Variants in PLCXD1 observed in about 807,000 individuals in gnomAD.
The protein encoded by PLCXD1 is phosphatidylinositol specific phospholipase C X domain containing 1, also known as PI-PLC X domain-containing protein 1.
In PLCXD1, 45 loss-of-function variants were observed where a neutral mutation model predicts 37.8. That is an observed-to-expected ratio of 1.19 (90% CI 0.94 to 1.53). The LOEUF is 1.53. PLCXD1 is among the 40% of genes most tolerant of loss of function. PLCXD1 has a pLI of 0.00. For missense variants in PLCXD1, 539 were observed against 454.7 expected, an observed-to-expected ratio of 1.19 and a Z score of -1.69; for synonymous variants, 246 against 206.9, an observed-to-expected ratio of 1.19 and a Z score of -1.62.
At chrX:292,611 CTTAA>C (rs904332915) in intron 5 of PLCXD1, among the ~76,000 whole-genome samples, 4 of 146,690 alleles carry the variant, frequency 2.7e-5, no homozygotes, top group African/African-American at 7.6e-5. Flanking sequence ...CCTGGCCATA[CTTAA>C]TTTATTTATT....
chrX:278,478 C>A (rs1266658992), upstream of PLCXD1, among the ~76,000 whole-genome samples: 1 of 152,096 alleles, frequency 6.6e-6, no homozygotes, highest in African/African-American at 2.4e-5. Context: ...GTGGCTCACG[C>A]CTGTCATCCC....
Position 284,211 on chromosome X carries a change from C to G in PLCXD1, c.24C>G (p.Ser8=). 1 of 1,613,424 alleles carries G rather than the reference C, an allele frequency of 6.2e-7. No individual in the cohort carries two copies. The highest frequency in any genetic ancestry group is 8.5e-7 in the Non-Finnish European group (1 of 1,179,800). Residue 8 remains serine, a synonymous_variant, in exon 2 of 7, where the codon TCC becomes TCG. Coordinates refer to ENST00000381657, the MANE Select transcript of PLCXD1 (RefSeq NM_018390.4). ...TGATGGGTGGGCAGGTGAGCGCTTC[C>G]AACAGCTTCTCGAGGCTGCACTGCA... MGGQVSA[S]NSFSRLHCRN...
intron 6 of PLCXD1, among the ~76,000 whole-genome samples, chrX:293,683 T>C: frequency 6.6e-6 from 1 of 152,192 alleles, no homozygotes; most frequent in South Asian, 2.1e-4. Flanking sequence ...CGGTGGAATA[T>C]TACACAGCCA....
rs2052035958 is a variant in PLCXD1 at position 299,514 on chromosome X, C to G, written c.*179C>G. The G allele has an allele frequency of 1.6e-6, 1 of 619,360 alleles. No individual in the cohort carries two copies. Among genetic ancestry groups the G allele is most frequent in the Non-Finnish European group, 2.9e-6 (1 of 345,956 alleles). The allele number at this position is 619,360 out of a possible 1,614,324, so 38.4% of individuals were successfully genotyped here. A position where few individuals can be genotyped will look rare whatever the true frequency, so the allele number is the denominator to read the frequency against. On this transcript the variant is annotated 3_prime_UTR_variant, in exon 7 of 7. Transcript: ENST00000381657. ...GGTGACTTCGCCTGTCTTCCCAGCA[C>G]TTTGGGAGGCCGAGGTGGGTGGATC...
chrX:294,241 G>A (rs1164112805), intron 6 of PLCXD1, among the ~76,000 whole-genome samples: 12 of 152,208 alleles, frequency 7.9e-5, no homozygotes, highest in East Asian at 3.9e-4. Flanking sequence ...CCAGCACTTC[G>A]GGAGGCCGAG....
intron 3 of PLCXD1, among the ~76,000 whole-genome samples, chrX:289,567 GT>G (rs1431797104): frequency 3.3e-4 from 48 of 146,552 alleles, no homozygotes; most frequent in Non-Finnish European, 4.2e-4. Context: ...CTGGAGTGCA[GT>G]TGGTGCCATC....
chrX:285,226 A>T (rs2069409821), intron 2 of PLCXD1, among the ~76,000 whole-genome samples: 1 of 152,178 alleles, frequency 6.6e-6, no homozygotes, highest in African/African-American at 2.4e-5. Context: ...AGGCACATGT[A>T]TACATGGATG....
At position 302,571 on chromosome X, in the gene PLCXD1, G is replaced by T; in HGVS notation, c.*3236G>T. On this transcript the variant is annotated 3_prime_UTR_variant, in exon 7 of 7. Transcript: ENST00000381657. ...ACCGTGCCTGGTTAATTTTGTATTT[G>T]TATTTTTATTTATGTTTTGAGACGG... The T allele has an allele frequency of 6.6e-6, 1 of 151,748 alleles. No individual in the cohort carries two copies. Among genetic ancestry groups the T allele is most frequent in the East Asian group, 1.9e-4 (1 of 5,148 alleles). 9.4% of individuals were successfully genotyped at this position (151,748 alleles called of 1,614,324 possible).
intron 2 of PLCXD1, among the ~76,000 whole-genome samples, chrX:287,464 A>AATATATACTATATATGTTTATATATAGAT (rs2069486369): frequency 1.5e-5 from 2 of 129,258 alleles, no homozygotes; most frequent in East Asian, 4.0e-4. Flanking sequence ...TTATATATAG[A>AATATATACTATATATGTTTATATATAGAT]ATATATACTA....
Position 288,583 on chromosome X carries a change from T to A in PLCXD1, c.128-150T>A, listed in dbSNP as rs1602865358. Reference sequence around the variant, plus strand: ...TCCCAGGTTCCAGTGGACGTGAGTTTTGGGGGTCAGCGTGCACCCCTCCCG... The same window carrying A: ...TCCCAGGTTCCAGTGGACGTGAGTTATGGGGGTCAGCGTGCACCCCTCCCG... On this transcript the variant is annotated intron_variant, in intron 2 of 6. Transcript: ENST00000381657. The A allele has an allele frequency of 7.5e-6, 6 of 796,680 alleles. No homozygotes were observed. The South Asian group carries it at 9.1e-5, about 12-fold the overall frequency. 49.4% of individuals were successfully genotyped at this position (796,680 alleles called of 1,614,324 possible). A position where few individuals can be genotyped will look rare whatever the true frequency, so the allele number is the denominator to read the frequency against.
Position 290,194 on chromosome X carries a change from A to G in PLCXD1, c.265-454A>G, listed in dbSNP as rs371871223. On this transcript the variant is annotated intron_variant, in intron 3 of 6. Coordinates refer to ENST00000381657, the MANE Select transcript of PLCXD1 (RefSeq NM_018390.4). Reference sequence around the variant, plus strand: ...TGTAATCCCAGCACTTTGGGAGGCCAAGGTGGGTGGATCACGAGGTCAGGA... The same window carrying G: ...TGTAATCCCAGCACTTTGGGAGGCCGAGGTGGGTGGATCACGAGGTCAGGA... 2.1e-3 allele frequency among the ~76,000 whole-genome samples: 318 copies of G among 151,248 alleles called. 2 individuals are homozygous for G. Among genetic ancestry groups the G allele is most frequent in the African/African-American group, 6.6e-3 (268 of 40,794 alleles).
chrX:288,503 A>T (rs2069526606), intron 2 of PLCXD1, among the ~76,000 whole-genome samples: 1 of 152,008 alleles, frequency 6.6e-6, no homozygotes, highest in Non-Finnish European at 1.5e-5. Context: ...CTCCAGGATG[A>T]TCTCATTTCA....
chrX:279,137 G>C (rs1457860318), upstream of PLCXD1, among the ~76,000 whole-genome samples: 1 of 152,214 alleles, frequency 6.6e-6, no homozygotes. Context: ...CAGATCATAA[G>C]ACTCATTGTC....
At position 299,094 on chromosome X, in the gene PLCXD1, C is replaced by A; in HGVS notation, c.734-3C>A. Reference sequence around the variant, plus strand: ...TAACCTCTCCCCACCCTCACCGTTGCAGGAGGGTTGTTCGTGGCCGGCATC... The same window carrying A: ...TAACCTCTCCCCACCCTCACCGTTGAAGGAGGGTTGTTCGTGGCCGGCATC... On this transcript the variant is annotated splice_region_variant and splice_polypyrimidine_tract_variant and intron_variant, in intron 6 of 6. Coordinates refer to ENST00000381657, the MANE Select transcript of PLCXD1 (RefSeq NM_018390.4). 1 of 1,606,850 alleles carries A rather than the reference C, an allele frequency of 6.2e-7. No individual in the cohort carries two copies. Among genetic ancestry groups the A allele is most frequent in the Non-Finnish European group, 8.5e-7 (1 of 1,173,386 alleles).
intron 5 of PLCXD1, among the ~76,000 whole-genome samples, 194 bp downstream of exon 5, chrX:291,848 C>A (rs1051317152): frequency 1.3e-5 from 2 of 152,280 alleles, no homozygotes; most frequent in East Asian, 1.9e-4. Context: ...CTGGTGAGAT[C>A]TGCTTCCCTT....
At position 299,988 on chromosome X, in the gene PLCXD1, G is replaced by C. The variant is rs1234014433; in HGVS notation, c.*653G>C. 6.6e-6 allele frequency: 1 copy of C among 151,500 alleles called. No homozygotes were observed. The highest frequency in any genetic ancestry group is 1.5e-5 in the Non-Finnish European group (1 of 68,444). The allele number at this position is 151,500 out of a possible 1,614,324, so 9.4% of individuals were successfully genotyped here. A position where few individuals can be genotyped will look rare whatever the true frequency, so the allele number is the denominator to read the frequency against. On this transcript the variant is annotated 3_prime_UTR_variant, in exon 7 of 7. Coordinates refer to ENST00000381657, the MANE Select transcript of PLCXD1 (RefSeq NM_018390.4). ...GAATGGCGTGAACCCGGGAGGTGGA[G>C]GTTGCATTGAGCTGAGATCGTGCCA...
At chrX:278,505 A>AGTGAGCCGAGATCGCACCACTGCACTCC, upstream of PLCXD1, among the ~76,000 whole-genome samples, 1 of 151,994 alleles carries the variant, frequency 6.6e-6, no homozygotes, top group Non-Finnish European at 1.5e-5. Flanking sequence ...TTGGGAGGCC[A>AGTGAGCCGAGATCGCACCACTGCACTCC]AGGCGGGCAG....
chrX:283,536 G>GGTGTCAGGCCCGGGTGGGGGCGGCCT (rs2069342854), intron 1 of PLCXD1: 7 of 77,984 alleles, frequency 9.0e-5, no homozygotes, highest in Admixed American at 2.4e-4. Context: ...GGGGGCGGCC[G>GGTGTCAGGCCCGGGTGGGGGCGGCCT]TGGTGTCAGG....
intron 6 of PLCXD1, among the ~76,000 whole-genome samples, chrX:294,413 C>T (rs1453342491): frequency 1.3e-4 from 19 of 150,076 alleles, no homozygotes; most frequent in East Asian, 5.9e-4. Flanking sequence ...ACTCGGGAGG[C>T]GGAGCTTGCA....
Sources: gnomAD v4.1 joint callset for allele counts (sites outside exome capture counted in the v4.1 genomes callset) on GRCh38, gnomAD v4.1.1 for gene constraint, MANE v1.5 for transcripts, NCBI Gene and HGNC (gene_info 2026-07-23, HGNC 2026-07-21) for gene names.